Variants in TMED1 observed in about 807,000 individuals in gnomAD.
The protein encoded by TMED1 is transmembrane emp24 domain-containing protein 1.
TMED1 carries 20 observed loss-of-function variants against 21.2 expected under a neutral mutation model. That is an observed-to-expected ratio of 0.95 (90% CI 0.67 to 1.37). The LOEUF (loss-of-function observed/expected upper bound fraction) is 1.37, where lower values mean the gene tolerates loss of function less well. TMED1 is among the 40% of genes most tolerant of loss of function. The pLI is 0.00. For missense variants in TMED1, 316 were observed against 309.8 expected, an observed-to-expected ratio of 1.02 and a Z score of -0.15; for synonymous variants, 149 against 134.7, an observed-to-expected ratio of 1.11 and a Z score of -0.74.
In TMED1 at chr19:10,832,620, C is replaced by T. The variant is rs2073371779; in HGVS notation, c.*375G>A. 5 of 533,462 alleles carry T rather than the reference C, an allele frequency of 9.4e-6. No individual in the cohort carries two copies. Among genetic ancestry groups the T allele is most frequent in the Non-Finnish European group, 1.7e-5 (5 of 297,388 alleles). The allele number at this position is 533,462 out of a possible 1,614,324, so 33.0% of individuals were successfully genotyped here. A position where few individuals can be genotyped will look rare whatever the true frequency, so the allele number is the denominator to read the frequency against. On this transcript the variant is annotated 3_prime_UTR_variant, in exon 4 of 4. Coordinates refer to ENST00000214869, the MANE Select transcript of TMED1 (RefSeq NM_006858.4). Reference sequence around the variant, plus strand: ...CTGGCATTCTGTTACCAGACCTCAACCTGGCTTGGAGGGCCCAGGTTTCCT... The same window carrying T: ...CTGGCATTCTGTTACCAGACCTCAATCTGGCTTGGAGGGCCCAGGTTTCCT...
In TMED1 at chr19:10,836,208, T is replaced by G. The variant is rs2073427888; in HGVS notation, c.-17A>C. 1.3e-6 allele frequency: 2 copies of G among 1,529,486 alleles called. No individual in the cohort carries two copies. Among genetic ancestry groups the G allele is most frequent in the Non-Finnish European group, 1.7e-6 (2 of 1,143,628 alleles). The allele number at this position is 1,529,486 out of a possible 1,614,324, so 94.7% of individuals were successfully genotyped here. A position where few individuals can be genotyped will look rare whatever the true frequency, so the allele number is the denominator to read the frequency against. On this transcript the variant is annotated 5_prime_UTR_variant, in exon 1 of 4. Transcript: ENST00000214869. ...CGCCATCATCCGGGTCACCCTCTGG[T>G]CTGCAAAGGGGTCGCGGCTCCTTTA...
chr19:10,834,291 A>T (rs908068367), intron 3 of TMED1, among the ~76,000 whole-genome samples: 2 of 152,148 alleles, frequency 1.3e-5, no homozygotes, highest in African/African-American at 4.8e-5. Flanking sequence ...TGTGGCCGTG[A>T]GTTGCTCAGC....
At position 10,834,998 on chromosome 19, in the gene TMED1, A is replaced by G; in HGVS notation, c.401T>C (p.Val134Ala). 6.2e-7 allele frequency: 1 copy of G among 1,613,870 alleles called. No individual in the cohort carries two copies. Among genetic ancestry groups the G allele is most frequent in the Non-Finnish European group, 8.5e-7 (1 of 1,179,962 alleles). ...IFDSLQDDEE[V>A]EGWAEAVEPE... ...CTCCACAGCCTCTGCCCATCCTTCG[A>G]CCTCCTCGTCATCCTGGAGGCTGTC... Residue 134 changes from valine to alanine, a missense_variant, in exon 3 of 4, where the codon GTC (valine) becomes GCC (alanine). Coordinates refer to ENST00000214869, the MANE Select transcript of TMED1 (RefSeq NM_006858.4).
chr19:10,834,987 C>G lies in TMED1; in HGVS notation c.412G>C (p.Ala138Pro), dbSNP rs1224962692. 21 of 1,614,198 alleles carry G rather than the reference C, an allele frequency of 1.3e-5. No individual in the cohort carries two copies. The highest frequency in any genetic ancestry group is 1.7e-5 in the Non-Finnish European group (20 of 1,180,026). The change falls in exon 3 of 4, where the codon GCA becomes CCA. Residue 138 changes from alanine (A) to proline (P), a missense_variant. By Grantham distance (27) the Ala-to-Pro change is conservative. Coordinates refer to ENST00000214869, the MANE Select transcript of TMED1 (RefSeq NM_006858.4). The stretch of plus-strand genomic sequence containing the variant: ...ATCTCCTCGGGCTCCACAGCCTCTG[C>G]CCATCCTTCGACCTCCTCGTCATCC... ...LQDDEEVEGW[A>P]EAVEPEEMLD... is the part of the protein sequence containing the mutation.
chr19:10,834,288 G>A (rs752292670), intron 3 of TMED1, among the ~76,000 whole-genome samples: 22 of 152,134 alleles, frequency 1.4e-4, no homozygotes, highest in Non-Finnish European at 2.6e-4. Context: ...CTGTGTGGCC[G>A]TGAGTTGCTC....
rs2073426471 is a variant in TMED1 at position 10,836,139 on chromosome 19, G to T, written c.53C>A (p.Pro18Gln). Residue 18 changes from proline to glutamine, a missense_variant, in exon 1 of 4, where the codon CCA becomes CAA. Pro to Gln is a moderately conservative substitution (Grantham distance 76). Coordinates refer to ENST00000214869, the MANE Select transcript of TMED1 (RefSeq NM_006858.4). Reference sequence around the variant, plus strand: ...GGGCCCCGCCCCTCCCACCTCCACTGGTGGCATTAGTAGCCACAAGGCCAG... The same window carrying T: ...GGGCCCCGCCCCTCCCACCTCCACTTGTGGCATTAGTAGCCACAAGGCCAG... The part of the protein sequence containing the change: ...LALALWLLMP[P>Q]VEVGGAGPPP... 1 of 1,565,422 alleles carries T rather than the reference G, an allele frequency of 6.4e-7. No homozygotes were observed. The highest frequency in any genetic ancestry group is 1.9e-5 in the Admixed American group (1 of 52,388).
rs1293691447 is a variant in TMED1 at position 10,832,872 on chromosome 19, C to T, written c.*123G>A. 2.7e-6 allele frequency: 3 copies of T among 1,116,984 alleles called. No individual in the cohort carries two copies. Among genetic ancestry groups the T allele is most frequent in the Admixed American group, 2.1e-5 (1 of 47,512 alleles). 69.2% of individuals were successfully genotyped at this position (1,116,984 alleles called of 1,614,324 possible). A position where few individuals can be genotyped will look rare whatever the true frequency, so the allele number is the denominator to read the frequency against. ...CGGAAGGAGACTCATGGGGCCAGAC[C>T]GCAGGCCCTGACTGCACACTCCCGT... On this transcript the variant is annotated 3_prime_UTR_variant, in exon 4 of 4. Coordinates refer to ENST00000214869, the MANE Select transcript of TMED1 (RefSeq NM_006858.4).
intron 1 of TMED1, 56 bp downstream of exon 1, chr19:10,835,953 C>G (rs1456447383): frequency 6.3e-5 from 95 of 1,506,304 alleles, no homozygotes; most frequent in Non-Finnish European, 8.4e-5. Flanking sequence ...GCCTCGACCG[C>G]TTGGCCACGC....
rs1198781444 is a variant in TMED1 at position 10,833,036 on chromosome 19, G to T, written c.643C>A (p.Leu215Ile). The T allele has an allele frequency of 6.2e-7, 1 of 1,613,798 alleles. No homozygotes were observed. Among genetic ancestry groups the T allele is most frequent in the East Asian group, 2.2e-5 (1 of 44,892 alleles). ...LLVAVLQVCT[L>I]KRFFQDKRPV... ...CGCTTGTCCTGGAAGAAGCGCTTGA[G>T]CGTGCAGACCTGCAGCACAGCCACC... Residue 215 changes from leucine (L) to isoleucine (I), a missense_variant, in exon 4 of 4, where the codon CTC becomes ATC. Physicochemically the swap from Leu to Ile is conservative, Grantham distance 5 (BLOSUM62 2). Transcript: ENST00000214869.
chr19:10,835,144 C>T, intron 2 of TMED1, 27 bp from the exon 3 acceptor site: 2 of 1,609,116 alleles, frequency 1.2e-6, no homozygotes, highest in Non-Finnish European at 1.7e-6. Flanking sequence ...ACAGACATGA[C>T]CCAGGGTGGC....
intron 1 of TMED1, 21 bp from the exon 2 acceptor site, chr19:10,835,374 G>C (rs1217262900): frequency 1.2e-6 from 2 of 1,612,942 alleles, no homozygotes; most frequent in Non-Finnish European, 1.7e-6. Flanking sequence ...GGTAAGAGCG[G>C]GTGGAGGGCT....
intron 3 of TMED1, among the ~76,000 whole-genome samples, chr19:10,834,393 G>A (rs1480273733): frequency 6.7e-6 from 1 of 149,514 alleles, no homozygotes; most frequent in African/African-American, 2.5e-5. Flanking sequence ...TACGGTATGA[G>A]TTATTTATGA....
intron 3 of TMED1, chr19:10,833,442 A>T (rs1481904605): frequency 1.7e-6 from 1 of 581,590 alleles, no homozygotes; most frequent in Non-Finnish European, 3.1e-6. Context: ...TAAGCTTCCA[A>T]ATTGCTGTGA....
rs374257807 is a variant in TMED1 at position 10,832,639 on chromosome 19, G to T, written c.*356C>A. 1.8e-6 allele frequency: 1 copy of T among 555,330 alleles called. No homozygotes were observed. Among genetic ancestry groups the T allele is most frequent in the Non-Finnish European group, 3.2e-6 (1 of 311,076 alleles). The allele number at this position is 555,330 out of a possible 1,614,324, so 34.4% of individuals were successfully genotyped here. A position where few individuals can be genotyped will look rare whatever the true frequency, so the allele number is the denominator to read the frequency against. On this transcript the variant is annotated 3_prime_UTR_variant, in exon 4 of 4. Coordinates refer to ENST00000214869, the MANE Select transcript of TMED1 (RefSeq NM_006858.4). ...CCTCAACCTGGCTTGGAGGGCCCAG[G>T]TTTCCTTGTTAGGCCCTGCCCCGCA...
intron 1 of TMED1, 111 bp from the exon 2 acceptor site, chr19:10,835,464 T>C: frequency 6.6e-7 from 1 of 1,511,982 alleles, no homozygotes; most frequent in Non-Finnish European, 8.9e-7. Context: ...AGGGCTTACC[T>C]GAACGGCGGC....
chr19:10,832,567 G>A lies in TMED1; in HGVS notation c.*428C>T, dbSNP rs930154948. 5.4e-5 allele frequency: 25 copies of A among 463,852 alleles called. No individual in the cohort carries two copies. Among genetic ancestry groups the A allele is most frequent in the African/African-American group, 9.9e-5 (5 of 50,528 alleles). 28.7% of individuals were successfully genotyped at this position (463,852 alleles called of 1,614,324 possible). ...GTGGGGCCCCTGCAGGAGAGGGGCC[G>A]GGGCAGGTGGTCTTCCAGGCCCCCT... On this transcript the variant is annotated 3_prime_UTR_variant, in exon 4 of 4. Transcript: ENST00000214869.
intron 2 of TMED1, 56 bp downstream of exon 2, chr19:10,835,200 G>C: frequency 6.2e-7 from 1 of 1,612,094 alleles, no homozygotes; most frequent in South Asian, 1.1e-5. Flanking sequence ...ACCTGAGGCC[G>C]CCTGGGAAGG....
At chr19:10,835,653 T>C in intron 1 of TMED1, 1 of 1,396,332 alleles carries the variant, frequency 7.2e-7, no homozygotes, top group Non-Finnish European at 9.3e-7. Context: ...AGGCCCAGCC[T>C]TTTTCCTTAG....
rs2073372415 is a variant in TMED1, at chr19:10,832,689, G to A, written c.*306C>T. 1.7e-6 allele frequency: 1 copy of A among 589,922 alleles called. No individual in the cohort carries two copies. Among genetic ancestry groups the A allele is most frequent in the Admixed American group, 3.0e-5 (1 of 33,252 alleles). 36.5% of individuals were successfully genotyped at this position (589,922 alleles called of 1,614,324 possible). A position where few individuals can be genotyped will look rare whatever the true frequency, so the allele number is the denominator to read the frequency against. On this transcript the variant is annotated 3_prime_UTR_variant, in exon 4 of 4. Transcript: ENST00000214869. ...ACCAGGCAACGCTAACACAGGATGG[G>A]AGGCTTAGGCTAAGGCACATTTACA...
Sources: allele counts gnomAD v4.1 joint callset (sites outside exome capture counted in the v4.1 genomes callset), GRCh38; gene constraint gnomAD v4.1.1; transcripts MANE v1.5; gene names NCBI Gene and HGNC (gene_info 2026-07-23, HGNC 2026-07-21).